Variants in NPRL3 observed in about 807,000 individuals in gnomAD.
NPRL3 encodes NPR3 like, GATOR1 complex subunit.
A neutral mutation model predicts 57.2 loss-of-function variants in NPRL3; 23 were observed. The observed-to-expected ratio is 0.40, with a 90% CI of 0.29 to 0.57. The LOEUF is 0.57. Among genes scored for constraint, NPRL3 ranks in the 20% least tolerant of loss-of-function variants. The probability of loss-of-function intolerance (pLI) is 0.42; values close to 1 mark genes in which losing one functional copy is unlikely to be tolerated. For missense variants in NPRL3, 691 were observed against 767.1 expected (o/e 0.90, Z 1.17); for synonymous variants, 333 against 321.1 (o/e 1.04, Z -0.39).
chr16:136,290 G>C (rs1437231524), intron 2 of NPRL3, among the ~76,000 whole-genome samples: 2 of 152,246 alleles, frequency 1.3e-5, no homozygotes, highest in East Asian at 3.8e-4. Flanking sequence ...AAGGACAAGG[G>C]TGCTCGACAG....
intron 6 of NPRL3, 138 bp from the exon 7 acceptor site, chr16:110,744 T>G: frequency 3.1e-6 from 2 of 638,186 alleles, no homozygotes; most frequent in Admixed American, 2.3e-5. Flanking sequence ...GAGACAGGTA[T>G]TCACCATGTT....
At chr16:123,147 G>A (rs528547424) in intron 3 of NPRL3, among the ~76,000 whole-genome samples, 41 of 152,282 alleles carry the variant, frequency 2.7e-4, no homozygotes, top group African/African-American at 8.2e-4. Context: ...GGGCGGCAGT[G>A]GACTAGGGAG....
intron 10 of NPRL3, 39 bp from the exon 11 acceptor site, chr16:92,764 C>T (rs775180867): frequency 1.2e-6 from 2 of 1,607,874 alleles, no homozygotes; most frequent in Admixed American, 1.7e-5. Flanking sequence ...GCAGCAGACC[C>T]CCCCACCGTG....
chr16:117,379 TA>T lies in NPRL3; in HGVS notation c.319-5del. On this transcript the variant is annotated splice_polypyrimidine_tract_variant and splice_region_variant and intron_variant, in intron 4 of 13. Coordinates refer to ENST00000611875, the MANE Select transcript of NPRL3 (RefSeq NM_001077350.3). ...GGGAAGGATCTGTTTTGGAGATCTG[TA>T]AAAGATGCATAATTCTAATTAATTG... is the stretch of plus-strand genomic sequence containing the variant. The T allele has an allele frequency of 6.3e-7, 1 of 1,595,732 alleles. No individual in the cohort carries two copies. Among genetic ancestry groups the T allele is most frequent in the Non-Finnish European group, 8.6e-7 (1 of 1,165,956 alleles).
At chr16:99,192 C>G (rs1159880347) in intron 8 of NPRL3, among the ~76,000 whole-genome samples, 2 of 152,138 alleles carry the variant, frequency 1.3e-5, no homozygotes, top group Non-Finnish European at 2.9e-5. Flanking sequence ...AGAGCACGGA[C>G]TGGGGAGGGT....
At chr16:127,579 C>T (rs972258109) in intron 3 of NPRL3, among the ~76,000 whole-genome samples, 1 of 152,034 alleles carries the variant, frequency 6.6e-6, no homozygotes, top group African/African-American at 2.4e-5. Context: ...AAATCTGAAC[C>T]ATTTAATATG....
intron 8 of NPRL3, among the ~76,000 whole-genome samples, chr16:98,915 C>G (rs991509085): frequency 2.0e-5 from 3 of 152,018 alleles, no homozygotes; most frequent in African/African-American, 7.2e-5. Context: ...TCCAGCCTGG[C>G]GACAGAGTGA....
chr16:117,451 C>T, intron 4 of NPRL3, 76 bp from the exon 5 acceptor site: 1 of 1,061,092 alleles, frequency 9.4e-7, no homozygotes, highest in South Asian at 1.5e-5. Flanking sequence ...CTACTTCAGG[C>T]ATGGCAAAAG....
At chr16:102,146 CGG>C (rs1357290366) in intron 7 of NPRL3, among the ~76,000 whole-genome samples, 263 of 152,252 alleles carry the variant, frequency 1.7e-3, no homozygotes, top group African/African-American at 6.0e-3. Context: ...GTCATCCCCT[CGG>C]GGAACCACAC....
At chr16:92,571 G>A in intron 11 of NPRL3, 25 bp downstream of exon 11, 1 of 1,610,262 alleles carries the variant, frequency 6.2e-7, no homozygotes, top group Non-Finnish European at 8.5e-7. Flanking sequence ...TGCCACTCTG[G>A]GCTCCTTGAG....
In NPRL3 at chr16:86,246, G is replaced by GCACTT. The variant is rs1178938602; in HGVS notation, c.*454_*458dup. The stretch of plus-strand genomic sequence containing the variant: ...GAGGTGCTGGGGAGGGGGCCACAGG[G>GCACTT]CACTTCACAAATAGAAGGCTGTCAG... On this transcript the variant is annotated 3_prime_UTR_variant, in exon 14 of 14. Coordinates refer to ENST00000611875, the MANE Select transcript of NPRL3 (RefSeq NM_001077350.3). The GCACTT allele has an allele frequency of 4.9e-5, 9 of 185,258 alleles. No individual in the cohort carries two copies. Among genetic ancestry groups the GCACTT allele is most frequent in the African/African-American group, 1.9e-4 (8 of 42,670 alleles). 11.5% of individuals were successfully genotyped at this position (185,258 alleles called of 1,614,324 possible).
Position 112,702 on chromosome 16 carries a change from T to C in NPRL3, c.467A>G (p.Glu156Gly), listed in dbSNP as rs1324954418. ...GGTGAGGTACTGGCAGCGGCGCTCC[T>C]CGTGCTGCAGCACGGTGGCGATACG... ...SRRIATVLQH[E>G]ERRCQYLTRE... Residue 156 changes from glutamate (E) to glycine (G), a missense_variant, in exon 6 of 14, where the codon GAG (glutamate) becomes GGG (glycine). Coordinates refer to ENST00000611875, the MANE Select transcript of NPRL3 (RefSeq NM_001077350.3). 2 of 1,611,612 alleles carry C rather than the reference T, an allele frequency of 1.2e-6. No homozygotes were observed. Among genetic ancestry groups the C allele is most frequent in the East Asian group, 4.5e-5 (2 of 44,814 alleles).
chr16:92,268 C>A (rs1339780417), intron 11 of NPRL3, among the ~76,000 whole-genome samples: 1 of 152,144 alleles, frequency 6.6e-6, no homozygotes, highest in South Asian at 2.1e-4. Context: ...CAAAGGGGTA[C>A]AAGGCAGGTC....
In NPRL3 at chr16:100,931, A is replaced by T. The variant is rs1899268886; in HGVS notation, c.630-422T>A. Among the ~76,000 whole-genome samples the T allele has an allele frequency of 2.2e-5, 3 of 134,138 alleles. No homozygotes were observed. The South Asian group carries it at 7.9e-4, about 35-fold the overall frequency. 88.0% of individuals were successfully genotyped at this position (134,138 alleles called of 152,430 possible). The stretch of plus-strand genomic sequence containing the variant: ...GGTTGCAGTGAGCTAACATCACGCC[A>T]CTGCACTCCAGCCTGGGCAACAAGG... On this transcript the variant is annotated intron_variant, in intron 7 of 13. Transcript: ENST00000611875.
intron 3 of NPRL3, among the ~76,000 whole-genome samples, chr16:123,997 G>T (rs1421349091): frequency 8.4e-6 from 1 of 119,460 alleles, no homozygotes; most frequent in Non-Finnish European, 1.7e-5. Flanking sequence ...CACTCCCCAC[G>T]CTGAGAAACA....
chr16:91,683 C>A (rs913461154), intron 11 of NPRL3, among the ~76,000 whole-genome samples: 1 of 152,340 alleles, frequency 6.6e-6, no homozygotes, highest in East Asian at 1.9e-4. Flanking sequence ...TAGCGTCTAA[C>A]GGAGCTGAAA....
At chr16:97,748 TC>T (rs1217233112) in intron 9 of NPRL3, among the ~76,000 whole-genome samples, 1 of 152,030 alleles carries the variant, frequency 6.6e-6, no homozygotes, top group Non-Finnish European at 1.5e-5. Flanking sequence ...GGGCCCCGCA[TC>T]CAAGCTTCCT....
chr16:135,189 T>G (rs571968867), intron 2 of NPRL3, among the ~76,000 whole-genome samples: 101 of 152,328 alleles, frequency 6.6e-4, no homozygotes, highest in African/African-American at 2.4e-3. Flanking sequence ...AAAATTATGT[T>G]GGCCCAATCA....
At chr16:119,611 G>C (rs556098468) in intron 3 of NPRL3, among the ~76,000 whole-genome samples, 7 of 152,340 alleles carry the variant, frequency 4.6e-5, no homozygotes, top group African/African-American at 1.7e-4. Flanking sequence ...AAGTTCACAG[G>C]CAGAGGGGCC....
Sources: gnomAD v4.1 joint callset for allele counts (sites outside exome capture counted in the v4.1 genomes callset) on GRCh38, gnomAD v4.1.1 for gene constraint, MANE v1.5 for transcripts, NCBI Gene and HGNC (gene_info 2026-07-23, HGNC 2026-07-21) for gene names.